The following NLGN1 variants were observed in gnomAD, a reference collection of about 807,000 sequenced individuals.
NLGN1 encodes neuroligin 1, also known as neuroligin-1.
In NLGN1, 12 loss-of-function variants were observed where a neutral mutation model predicts 65.5. The ratio of observed to expected loss-of-function variants is 0.18; its 90% CI spans 0.12 to 0.30. The LOEUF (loss-of-function observed/expected upper bound fraction) is 0.30, where lower values mean the gene tolerates loss of function less well. Ranked by LOEUF, NLGN1 falls within the 10% of genes least tolerant of loss-of-function variation. The probability of loss-of-function intolerance (pLI) is 1.00; values close to 1 mark genes in which losing one functional copy is unlikely to be tolerated. For synonymous variants in NLGN1, 350 were observed against 359.5 expected (o/e 0.97, Z 0.30); for missense variants, 750 against 1,007.1 (o/e 0.74, Z 3.46).
At chr3:173,909,967 C>T (rs1235923878) in intron 4 of NLGN1, among the ~76,000 whole-genome samples, 7 of 152,188 alleles carry the variant, frequency 4.6e-5, no homozygotes, top group Admixed American at 2.6e-4. Flanking sequence ...CGTGAGCCAT[C>T]ACACCCAGCC....
chr3:174,207,934 A>G (rs1735733966), intron 4 of NLGN1, among the ~76,000 whole-genome samples: 1 of 152,228 alleles, frequency 6.6e-6, no homozygotes, highest in Non-Finnish European at 1.5e-5. Context: ...ATTGGTAAAA[A>G]ATGCAAACGC....
rs142486829 is a variant in NLGN1, at chr3:173,845,589, CAGAT to C, written c.646+37760_646+37763del. ...ATAGGTAGATGGGTAGATGGATAGA[CAGAT>C]AGGTAGGTGGATGGATAGATAGATA... On this transcript the variant is annotated intron_variant, in intron 4 of 6. Transcript: ENST00000457714. Among the ~76,000 whole-genome samples the C allele has an allele frequency of 5.7e-3, 832 of 147,196 alleles. 11 individuals carry two copies. The highest frequency in any genetic ancestry group is 0.017 in the African/African-American group (663 of 39,892).
At chr3:173,561,708 A>C (rs769596168) in intron 2 of NLGN1, among the ~76,000 whole-genome samples, 1 of 152,178 alleles carries the variant, frequency 6.6e-6, no homozygotes, top group Non-Finnish European at 1.5e-5. Flanking sequence ...TACCTTACTA[A>C]TCAACAGATT....
At chr3:173,608,457 A>T (rs1751736114) in intron 3 of NLGN1, among the ~76,000 whole-genome samples, 1 of 151,936 alleles carries the variant, frequency 6.6e-6, no homozygotes, top group Admixed American at 6.6e-5. Context: ...CTGGTTTTAT[A>T]TATTAGGTGT....
intron 4 of NLGN1, among the ~76,000 whole-genome samples, chr3:174,146,518 A>T (rs1207969035): frequency 6.6e-6 from 1 of 152,126 alleles, no homozygotes; most frequent in African/African-American, 2.4e-5. Context: ...AATTATTTTA[A>T]ATGTTTAAAG....
At position 174,149,682 on chromosome 3, in the gene NLGN1, A is replaced by G. The variant is rs552160164; in HGVS notation, c.647-125633A>G. 2.6e-5 allele frequency among the ~76,000 whole-genome samples: 4 copies of G among 152,272 alleles called. No homozygotes were observed. In the East Asian group the frequency reaches 7.7e-4, roughly 29 times the overall value. ...ATATTGATAAATTTAATAAAACTCT[A>G]AAATGTTAACCCAAAGATCTCTAAA... On this transcript the variant is annotated intron_variant, in intron 4 of 6. Transcript: ENST00000457714.
At chr3:173,587,439 A>T (rs1747680144) in intron 2 of NLGN1, among the ~76,000 whole-genome samples, 1 of 152,196 alleles carries the variant, frequency 6.6e-6, no homozygotes, top group Non-Finnish European at 1.5e-5. Context: ...AAAATTTTTT[A>T]AAAAGTTGCG....
chr3:173,732,927 T>G (rs1773090966), intron 3 of NLGN1, among the ~76,000 whole-genome samples: 1 of 152,144 alleles, frequency 6.6e-6, no homozygotes, highest in South Asian at 2.1e-4. Flanking sequence ...AGATAATGTT[T>G]GTAACAGTAG....
At chr3:174,242,800 T>C (rs1006916599) in intron 4 of NLGN1, among the ~76,000 whole-genome samples, 8 of 152,138 alleles carry the variant, frequency 5.3e-5, no homozygotes, top group African/African-American at 1.7e-4. Context: ...CCTGAAACCA[T>C]TCCCGCCCCC....
At chr3:174,075,095 G>C (rs1392369508) in intron 4 of NLGN1, among the ~76,000 whole-genome samples, 3 of 152,122 alleles carry the variant, frequency 2.0e-5, no homozygotes, top group Admixed American at 2.0e-4. Context: ...ATGAGCTATA[G>C]ATGTTATTTG....
intron 2 of NLGN1, among the ~76,000 whole-genome samples, chr3:173,505,255 C>G (rs1348134442): frequency 6.6e-6 from 1 of 151,980 alleles, no homozygotes; most frequent in African/African-American, 2.4e-5. Flanking sequence ...TTCCAGTTTC[C>G]ACTGCTGTAA....
chr3:173,922,031 A>ATGTC (rs1314414164), intron 4 of NLGN1, among the ~76,000 whole-genome samples: 1 of 152,070 alleles, frequency 6.6e-6, no homozygotes, highest in African/African-American at 2.4e-5. Flanking sequence ...GCTTTACCTA[A>ATGTC]TGTCTTTTGG....
chr3:173,922,306 A>C (rs566199254), intron 4 of NLGN1, among the ~76,000 whole-genome samples: 166 of 152,192 alleles, frequency 1.1e-3, no homozygotes, highest in African/African-American at 3.9e-3. Flanking sequence ...TTTGCCAAGC[A>C]CTGTGGAAGA....
chr3:173,502,904 T>C (rs914286915), intron 2 of NLGN1, among the ~76,000 whole-genome samples: 6 of 152,108 alleles, frequency 3.9e-5, no homozygotes, highest in Non-Finnish European at 2.9e-5. Flanking sequence ...AGACTTATAT[T>C]TGAATTGCTG....
At chr3:174,154,945 A>T (rs1004872119) in intron 4 of NLGN1, among the ~76,000 whole-genome samples, 1 of 138,494 alleles carries the variant, frequency 7.2e-6, no homozygotes, top group South Asian at 2.2e-4. Flanking sequence ...TTTTATATAT[A>T]ATATATAATA....
At chr3:173,846,926 A>G (rs1725898551) in intron 4 of NLGN1, among the ~76,000 whole-genome samples, 1 of 152,236 alleles carries the variant, frequency 6.6e-6, no homozygotes, top group Non-Finnish European at 1.5e-5. Context: ...ATCTAAATAA[A>G]TCAAGGAATC....
intron 4 of NLGN1, among the ~76,000 whole-genome samples, chr3:173,993,601 G>T (rs1721592396): frequency 6.6e-6 from 1 of 151,800 alleles, no homozygotes; most frequent in Non-Finnish European, 1.5e-5. Flanking sequence ...TTTTCTTTTG[G>T]ATACTTTGGC....
At chr3:173,931,046 A>G (rs1743991901) in intron 4 of NLGN1, among the ~76,000 whole-genome samples, 1 of 152,198 alleles carries the variant, frequency 6.6e-6, no homozygotes, top group Admixed American at 6.5e-5. Flanking sequence ...ATTTGCTAGT[A>G]TTCATTTCAG....
intron 4 of NLGN1, among the ~76,000 whole-genome samples, chr3:173,822,882 CT>C (rs1406211865): frequency 6.6e-6 from 1 of 151,754 alleles, no homozygotes; most frequent in Non-Finnish European, 1.5e-5. Flanking sequence ...TATATTGTCC[CT>C]TTTTTTCTTT....
Sources: gnomAD v4.1 joint callset for allele counts (sites outside exome capture counted in the v4.1 genomes callset) on GRCh38, gnomAD v4.1.1 for gene constraint, MANE v1.5 for transcripts, NCBI Gene and HGNC (gene_info 2026-07-23, HGNC 2026-07-21) for gene names.